ATG7: variants seen among roughly 807,000 people sequenced by gnomAD.
ATG7 encodes the protein ubiquitin-like modifier-activating enzyme ATG7.
A neutral mutation model predicts 82.4 loss-of-function variants in ATG7; 70 were observed. The ratio of observed to expected loss-of-function variants is 0.85; its 90% CI spans 0.70 to 1.04. The LOEUF (loss-of-function observed/expected upper bound fraction) is 1.04. Ranked by LOEUF, ATG7 falls within the 50% of genes least tolerant of loss-of-function variation. The pLI is 0.00. For synonymous variants in ATG7, 287 were observed against 313.0 expected (o/e 0.92, Z 0.88); for missense variants, 792 against 864.3 (o/e 0.92, Z 1.05).
rs1943193127 is a variant in ATG7 at position 11,282,216 on chromosome 3, G to T, written c.-233G>T. 6.6e-6 allele frequency: 1 copy of T among 152,136 alleles called. No individual in the cohort carries two copies. The highest frequency in any genetic ancestry group is 1.9e-4 in the East Asian group (1 of 5,198). The allele number at this position is 152,136 out of a possible 1,614,324, so 9.4% of individuals were successfully genotyped here. On this transcript the variant is annotated 5_prime_UTR_variant, in exon 3 of 21. Coordinates refer to ENST00000693202, the MANE Select transcript of ATG7 (RefSeq NM_001349232.2). The stretch of plus-strand genomic sequence containing the variant: ...AGGCTTCTCAAACCCCATAATGCTG[G>T]TATCCAGTGCATCCGTTCTCAAAAA...
intron 13 of ATG7, among the ~76,000 whole-genome samples, chr3:11,346,875 T>C (rs1489619109): frequency 6.6e-6 from 1 of 152,260 alleles, no homozygotes; most frequent in African/African-American, 2.4e-5. Context: ...AGGCAGATTC[T>C]GGCCTGTCGT....
chr3:11,363,231 C>G (rs1443639347), intron 17 of ATG7: 1 of 192,264 alleles, frequency 5.2e-6, no homozygotes, highest in Non-Finnish European at 1.1e-5. Flanking sequence ...GAAATTTTGC[C>G]TCCTTCAATC....
At chr3:11,533,819 C>G (rs1417735475) in intron 20 of ATG7, among the ~76,000 whole-genome samples, 1 of 152,080 alleles carries the variant, frequency 6.6e-6, no homozygotes, top group Non-Finnish European at 1.5e-5. Context: ...AAACTAGAAG[C>G]AGAAAACTCT....
At chr3:11,277,892 C>CA (rs1491123202) in intron 1 of ATG7, among the ~76,000 whole-genome samples, 10 of 26,988 alleles carry the variant, frequency 3.7e-4, no homozygotes, top group African/African-American at 8.6e-4. Flanking sequence ...CCTTTATAGA[C>CA]CCCCCCCCCC....
At chr3:11,516,260 A>C (rs1260629601) in intron 20 of ATG7, among the ~76,000 whole-genome samples, 3 of 152,158 alleles carry the variant, frequency 2.0e-5, no homozygotes, top group Non-Finnish European at 4.4e-5. Flanking sequence ...TGGGTGCAGC[A>C]CACCAACATG....
intron 20 of ATG7, among the ~76,000 whole-genome samples, chr3:11,438,028 G>A (rs2083519710): frequency 6.6e-6 from 1 of 152,136 alleles, no homozygotes; most frequent in African/African-American, 2.4e-5. Context: ...TAATACTTAA[G>A]CACTGGTCAT....
At chr3:11,365,879 T>G (rs2076570614) in intron 18 of ATG7, among the ~76,000 whole-genome samples, 1 of 152,028 alleles carries the variant, frequency 6.6e-6, no homozygotes, top group South Asian at 2.1e-4. Context: ...GTTGGGAGAT[T>G]TTGCTTCCTG....
Position 11,430,883 on chromosome 3 carries a change from A to C in ATG7, c.2079+3957A>C, listed in dbSNP as rs565469864. On this transcript the variant is annotated intron_variant, in intron 20 of 20. Transcript: ENST00000693202. ...TCACTTAGTTTTAAAGGATGAGTAG[A>C]CTATTTTTAAAAATAAAAGTTGGAT... Among the ~76,000 whole-genome samples, 6 of 152,362 alleles carry C rather than the reference A, an allele frequency of 3.9e-5. No homozygotes were observed. The East Asian group carries it at 5.8e-4, about 15-fold the overall frequency.
chr3:11,416,780 G>T (rs185048238), intron 19 of ATG7, among the ~76,000 whole-genome samples: 8 of 152,220 alleles, frequency 5.3e-5, no homozygotes, highest in Admixed American at 5.2e-4. Context: ...TACCTAAGGT[G>T]TAAGATCAGA....
At chr3:11,351,302 G>A (rs1381280182) in intron 14 of ATG7, among the ~76,000 whole-genome samples, 1 of 152,196 alleles carries the variant, frequency 6.6e-6, no homozygotes, top group African/African-American at 2.4e-5. Context: ...CAGTTGCCAT[G>A]AGAATATATA....
At position 11,341,998 on chromosome 3, in the gene ATG7, C is replaced by T. The variant is rs547323179; in HGVS notation, c.981-137C>T. On this transcript the variant is annotated intron_variant, in intron 12 of 20. Transcript: ENST00000693202. ...GGAAGCTTTCTCCTCCCTGCTTACC[C>T]TCCAGTTTAATTTTCTTTTTCCTTT... The T allele has an allele frequency of 5.7e-6, 6 of 1,059,532 alleles. No homozygotes were observed. The East Asian group carries it at 1.6e-4, about 29-fold the overall frequency. 65.6% of individuals were successfully genotyped at this position (1,059,532 alleles called of 1,614,324 possible).
intron 5 of ATG7, among the ~76,000 whole-genome samples, chr3:11,301,557 A>G (rs774417950): frequency 3.3e-5 from 5 of 152,224 alleles, no homozygotes; most frequent in Admixed American, 1.3e-4. Context: ...TTGTATCTTT[A>G]AAAATGTATG....
At chr3:11,511,613 GGCGGTCGATGGGACTGGGC>G (rs2092061047) in intron 20 of ATG7, among the ~76,000 whole-genome samples, 1 of 152,230 alleles carries the variant, frequency 6.6e-6, no homozygotes, top group Non-Finnish European at 1.5e-5. Context: ...TCAGCCCTTG[GGCGGTCGATGGGACTGGGC>G]GCCGTGAGCA....
intron 2 of ATG7, among the ~76,000 whole-genome samples, chr3:11,281,631 G>A (rs1943051467): frequency 1.3e-5 from 2 of 152,024 alleles, no homozygotes; most frequent in Non-Finnish European, 2.9e-5. Flanking sequence ...AAAATTACCT[G>A]GGCGTAGTGG....
At chr3:11,362,780 G>A (rs1413905323) in intron 16 of ATG7, 33 bp from the exon 17 acceptor site, 6 of 1,589,494 alleles carry the variant, frequency 3.8e-6, no homozygotes, top group Non-Finnish European at 5.2e-6. Flanking sequence ...GGAGTAGAAC[G>A]TTCTGCACAC....
At chr3:11,475,909 C>CACACACACACACA (rs1479988312) in intron 20 of ATG7, among the ~76,000 whole-genome samples, 4,322 of 104,402 alleles carry the variant, frequency 0.041, 104 homozygotes, top group South Asian at 0.087. Flanking sequence ...ACACACACAC[C>CACACACACACACA]CCCTCCCAGA....
In ATG7 at chr3:11,556,596, G is replaced by A. The variant is rs533275707; in HGVS notation, c.*1753G>A. ...CCTGCACTTTTACAGACAAATCTAC[G>A]ACAAAAAAAAAGATCAACTTTTTTT... On this transcript the variant is annotated 3_prime_UTR_variant, in exon 21 of 21. Coordinates refer to ENST00000693202, the MANE Select transcript of ATG7 (RefSeq NM_001349232.2). 16 of 149,696 alleles carry A rather than the reference G, an allele frequency of 1.1e-4. No individual in the cohort carries two copies. Among genetic ancestry groups the A allele is most frequent in the East Asian group, 7.7e-4 (4 of 5,220 alleles). The allele number at this position is 149,696 out of a possible 1,614,324, so 9.3% of individuals were successfully genotyped here. A position where few individuals can be genotyped will look rare whatever the true frequency, so the allele number is the denominator to read the frequency against.
At chr3:11,513,628 C>G (rs1244792600) in intron 20 of ATG7, among the ~76,000 whole-genome samples, 1 of 152,232 alleles carries the variant, frequency 6.6e-6, no homozygotes, top group African/African-American at 2.4e-5. Context: ...GCCTCTCCCT[C>G]CACACCTCCC....
intron 20 of ATG7, among the ~76,000 whole-genome samples, chr3:11,542,358 G>A (rs2070899996): frequency 6.6e-6 from 1 of 152,246 alleles, no homozygotes; most frequent in Non-Finnish European, 1.5e-5. Flanking sequence ...ATAAGAGGGG[G>A]AGACCTAGAG....
Sources: gnomAD v4.1 joint callset for allele counts (sites outside exome capture counted in the v4.1 genomes callset) on GRCh38, gnomAD v4.1.1 for gene constraint, MANE v1.5 for transcripts, NCBI Gene and HGNC (gene_info 2026-07-23, HGNC 2026-07-21) for gene names.